The following LPCAT3 variants were observed in gnomAD, a reference collection of about 807,000 sequenced individuals.
LPCAT3 encodes the protein lysophospholipid acyltransferase 5.
LPCAT3 carries 21 observed loss-of-function variants against 63.4 expected under a neutral mutation model. That is an observed-to-expected ratio of 0.33 (90% CI 0.23 to 0.48). LPCAT3 has a LOEUF of 0.48. Ranked by LOEUF, LPCAT3 falls within the 20% of genes least tolerant of loss-of-function variation. The probability of loss-of-function intolerance (pLI) is 0.99; values close to 1 mark genes in which losing one functional copy is unlikely to be tolerated. For missense variants in LPCAT3, 451 were observed against 590.6 expected, an observed-to-expected ratio of 0.76 and a Z score of 2.45; for synonymous variants, 242 against 227.5, an observed-to-expected ratio of 1.06 and a Z score of -0.58.
chr12:7,004,424 A>G (rs1365638506), intron 1 of LPCAT3, among the ~76,000 whole-genome samples: 1 of 152,170 alleles, frequency 6.6e-6, no homozygotes, highest in Non-Finnish European at 1.5e-5. Flanking sequence ...TCCTTATCTT[A>G]CGGAAGAGGA....
intron 1 of LPCAT3, among the ~76,000 whole-genome samples, chr12:6,990,324 A>G (rs1946575941): frequency 6.6e-6 from 1 of 151,216 alleles, no homozygotes. Context: ...CCTGGTTAAC[A>G]TGGTGAAACC....
In LPCAT3 at chr12:6,978,526, G is replaced by C; in HGVS notation, c.874-19C>G. ...CTCCTTCCTGAGAGGGAATAGCTCA[G>C]TTAGGGCTCTTGCCACTCCCCATAC... On this transcript the variant is annotated intron_variant, in intron 8 of 12. Coordinates refer to ENST00000261407, the MANE Select transcript of LPCAT3 (RefSeq NM_005768.6). The C allele has an allele frequency of 6.2e-7, 1 of 1,612,112 alleles. No individual in the cohort carries two copies. Among genetic ancestry groups the C allele is most frequent in the Non-Finnish European group, 8.5e-7 (1 of 1,178,462 alleles).
At position 7,018,438 on chromosome 12, in the gene LPCAT3, GC is replaced by G. The variant is rs2138366734; in HGVS notation, c.-15del. ...TGAGGACGCCATCTTAACTCCGGGA[GC>G]CCCACAGGGACCCCCCAGCTCCGCG... On this transcript the variant is annotated 5_prime_UTR_variant, in exon 1 of 13. Coordinates refer to ENST00000261407, the MANE Select transcript of LPCAT3 (RefSeq NM_005768.6). This position sits in a 1 kb window ranked among gnomAD's most constrained non-coding sequence, Gnocchi z 4.9. 6.3e-7 allele frequency: 1 copy of G among 1,587,506 alleles called. No homozygotes were observed. Among genetic ancestry groups the G allele is most frequent in the African/African-American group, 1.3e-5 (1 of 74,592 alleles).
intron 1 of LPCAT3, among the ~76,000 whole-genome samples, chr12:7,015,836 T>A (rs1289216530): frequency 1.3e-5 from 2 of 152,084 alleles, no homozygotes; most frequent in Non-Finnish European, 2.9e-5. Context: ...GAGTGGGATA[T>A]GGAGAAAACA....
chr12:6,986,430 TAATC>T (rs1946526543), intron 1 of LPCAT3, among the ~76,000 whole-genome samples: 1 of 152,220 alleles, frequency 6.6e-6, no homozygotes, highest in African/African-American at 2.4e-5. Flanking sequence ...AAATATATGT[TAATC>T]AACTTGTTTA....
At chr12:6,983,778 T>C (rs1055830657) in intron 1 of LPCAT3, among the ~76,000 whole-genome samples, 4 of 152,210 alleles carry the variant, frequency 2.6e-5, no homozygotes, top group African/African-American at 4.8e-5. Context: ...TAAAGCTGGG[T>C]CCTAAGACTA....
rs1291150422 is a variant in LPCAT3 at position 6,976,388 on chromosome 12, G to T, written c.*516C>A. On this transcript the variant is annotated 3_prime_UTR_variant, in exon 13 of 13. Transcript: ENST00000261407. ...GAGAGATAAGGCAATGTGCATGGGGGAATCAGAGGGGAGATGTGAGCCCCT... is the reference window on the plus strand; with the variant it reads ...GAGAGATAAGGCAATGTGCATGGGGTAATCAGAGGGGAGATGTGAGCCCCT... 2.0e-5 allele frequency: 3 copies of T among 153,626 alleles called. No homozygotes were observed. The highest frequency in any genetic ancestry group is 1.9e-4 in the East Asian group (1 of 5,198). 9.5% of individuals were successfully genotyped at this position (153,626 alleles called of 1,614,324 possible).
At chr12:7,013,771 CTCCTTAGT>C (rs1555157390) in intron 1 of LPCAT3, among the ~76,000 whole-genome samples, 1 of 152,232 alleles carries the variant, frequency 6.6e-6, no homozygotes, top group Non-Finnish European at 1.5e-5. Context: ...TCACTTCTTT[CTCCTTAGT>C]TTCCCTACTA....
At chr12:6,982,571 G>T in intron 3 of LPCAT3, 105 bp downstream of exon 3, 1 of 800,598 alleles carries the variant, frequency 1.2e-6, no homozygotes, top group Non-Finnish European at 2.1e-6. Context: ...TGGGAGAGGG[G>T]TTAGAAATTA....
chr12:6,992,747 C>T (rs1225870691), intron 1 of LPCAT3, among the ~76,000 whole-genome samples: 1 of 152,164 alleles, frequency 6.6e-6, no homozygotes, highest in Admixed American at 6.5e-5. Flanking sequence ...ACTTCTCTTT[C>T]ACTGGTTTCA....
At chr12:6,991,770 A>C (rs782670042) in intron 1 of LPCAT3, among the ~76,000 whole-genome samples, 4 of 152,222 alleles carry the variant, frequency 2.6e-5, no homozygotes, top group Non-Finnish European at 5.9e-5. Context: ...GTCGGTGAAA[A>C]AAGAAGCTGC....
intron 1 of LPCAT3, among the ~76,000 whole-genome samples, chr12:7,008,974 A>T (rs1555157051): frequency 6.6e-6 from 1 of 152,212 alleles, no homozygotes; most frequent in East Asian, 1.9e-4. Context: ...AAGTTACTCA[A>T]TTTTTGTAGG....
rs1243015854 is a variant in LPCAT3 at position 6,979,468 on chromosome 12, C to T, written c.786+3G>A. 3 of 1,602,280 alleles carry T rather than the reference C, an allele frequency of 1.9e-6. No individual in the cohort carries two copies. Among genetic ancestry groups the T allele is most frequent in the Non-Finnish European group, 2.6e-6 (3 of 1,169,354 alleles). On this transcript the variant is annotated splice_donor_region_variant and intron_variant, in intron 7 of 12. Transcript: ENST00000261407. Reference sequence around the variant, plus strand: ...TGCTGCTGCTGCTTTAGTAGACACTCACGTCATAGTCTTCAGTGAGGAGAT... The same window carrying T: ...TGCTGCTGCTGCTTTAGTAGACACTTACGTCATAGTCTTCAGTGAGGAGAT...
At chr12:6,998,050 C>T (rs1048697648) in intron 1 of LPCAT3, among the ~76,000 whole-genome samples, 1 of 151,626 alleles carries the variant, frequency 6.6e-6, no homozygotes, top group Non-Finnish European at 1.5e-5. Context: ...GGGTCTTGCT[C>T]TGTCGCAAAG....
chr12:7,002,386 A>C (rs1457327137), intron 1 of LPCAT3, among the ~76,000 whole-genome samples: 1 of 152,170 alleles, frequency 6.6e-6, no homozygotes, highest in Non-Finnish European at 1.5e-5. Context: ...CTTCTAACCT[A>C]ATCTGGACTG....
In LPCAT3 at chr12:7,018,223, C is replaced by T; in HGVS notation, c.151+51G>A. The T allele has an allele frequency of 6.4e-7, 1 of 1,559,552 alleles. No homozygotes were observed. Among genetic ancestry groups the T allele is most frequent in the Non-Finnish European group, 8.7e-7 (1 of 1,150,894 alleles). ...GGGAGGTCCTGTCCCCATTCCTCCC[C>T]TACTCCCCGGGGACTCCGCGAGGGG... On this transcript the variant is annotated intron_variant, in intron 1 of 12. Transcript: ENST00000261407. This position sits in a 1 kb window ranked among gnomAD's most constrained non-coding sequence, Gnocchi z 4.9.
intron 1 of LPCAT3, among the ~76,000 whole-genome samples, chr12:7,014,892 C>CAAA (rs375839002): frequency 1.0e-4 from 6 of 57,562 alleles, no homozygotes; most frequent in Admixed American, 3.7e-4. Context: ...GACTCCGTCT[C>CAAA]AAAAAAAAAA....
intron 1 of LPCAT3, among the ~76,000 whole-genome samples, chr12:6,992,239 G>A (rs1015830629): frequency 3.3e-5 from 5 of 152,000 alleles, no homozygotes; most frequent in African/African-American, 9.7e-5. Flanking sequence ...AGGAGGCTGA[G>A]GTAGCATCAC....
chr12:6,978,532 G>C, intron 8 of LPCAT3, 25 bp from the exon 9 acceptor site: 1 of 1,611,892 alleles, frequency 6.2e-7, no homozygotes, highest in Non-Finnish European at 8.5e-7. Flanking sequence ...CTCAGTTAGG[G>C]CTCTTGCCAC....
Sources: allele counts gnomAD v4.1 joint callset (sites outside exome capture counted in the v4.1 genomes callset), GRCh38; gene constraint gnomAD v4.1.1; non-coding constraint Gnocchi (gnomAD v3.1); transcripts MANE v1.5; gene names NCBI Gene and HGNC (gene_info 2026-07-23, HGNC 2026-07-21).